Variants in ATXN7L1 observed in about 807,000 individuals in gnomAD.
ATXN7L1 encodes the protein ataxin 7 like 1, also known as ataxin-7-like protein 1.
ATXN7L1 carries 15 observed loss-of-function variants against 70.8 expected under a neutral mutation model. That is an observed-to-expected ratio of 0.21 (90% CI 0.14 to 0.33). The LOEUF (loss-of-function observed/expected upper bound fraction) is 0.33. Among genes scored for constraint, ATXN7L1 ranks in the 10% least tolerant of loss-of-function variants. The pLI, the probability that ATXN7L1 is intolerant of heterozygous loss-of-function variation, is 1.00. For missense variants in ATXN7L1, 975 were observed against 1,097.1 expected (o/e 0.89, Z 1.57); for synonymous variants, 440 against 445.1 (o/e 0.99, Z 0.14).
At chr7:105,737,697 T>C (rs1308137106) in intron 3 of ATXN7L1, among the ~76,000 whole-genome samples, 1 of 151,942 alleles carries the variant, frequency 6.6e-6, no homozygotes, top group Non-Finnish European at 1.5e-5. Flanking sequence ...GAGGTGGGGG[T>C]GATGTCATAG....
rs140782412 is a variant in ATXN7L1 at position 105,794,986 on chromosome 7, TC to T, written c.251-6279del. ...GGTACAATTCCCATTCATGGCAGAG[TC>T]CATCACATTCACGTTATCAGCTTGG... On this transcript the variant is annotated intron_variant, in intron 2 of 11. Transcript: ENST00000419735. Among the ~76,000 whole-genome samples, 828 of 152,240 alleles carry T rather than the reference TC, an allele frequency of 5.4e-3. 6 individuals are homozygous for T. The highest frequency in any genetic ancestry group is 0.019 in the African/African-American group (780 of 41,514).
rs1212295249 is a variant in ATXN7L1 at position 105,605,032 on chromosome 7, A to C, written c.*2820T>G. The C allele has an allele frequency of 7.1e-6, 1 of 141,424 alleles. No homozygotes were observed. The highest frequency in any genetic ancestry group is 1.5e-5 in the Non-Finnish European group (1 of 65,738). The allele number at this position is 141,424 out of a possible 1,614,324, so 8.8% of individuals were successfully genotyped here. On this transcript the variant is annotated 3_prime_UTR_variant, in exon 12 of 12. Coordinates refer to ENST00000419735, the MANE Select transcript of ATXN7L1 (RefSeq NM_020725.2). ...TGATACAAAAGAAGGCATACAAGTTATCCAAGTCGCTTTTTTTTTTTTTTT... is the reference window on the plus strand; with the variant it reads ...TGATACAAAAGAAGGCATACAAGTTCTCCAAGTCGCTTTTTTTTTTTTTTT...
chr7:105,779,517 G>A (rs1309304352), intron 3 of ATXN7L1, among the ~76,000 whole-genome samples: 2 of 152,018 alleles, frequency 1.3e-5, no homozygotes, highest in Non-Finnish European at 1.5e-5. Flanking sequence ...TTGATTTATG[G>A]GATAATCCTT....
intron 2 of ATXN7L1, among the ~76,000 whole-genome samples, chr7:105,863,711 C>A (rs1010952665): frequency 1.3e-5 from 2 of 152,186 alleles, no homozygotes; most frequent in African/African-American, 4.8e-5. Flanking sequence ...CTCTCTGAGC[C>A]TCAGCTTCCC....
intron 3 of ATXN7L1, among the ~76,000 whole-genome samples, chr7:105,758,364 T>C (rs965261448): frequency 1.3e-5 from 2 of 152,226 alleles, no homozygotes; most frequent in Non-Finnish European, 2.9e-5. Context: ...ATACCCATTT[T>C]CCACACATGA....
intron 2 of ATXN7L1, among the ~76,000 whole-genome samples, chr7:105,829,578 G>A (rs1349745462): frequency 2.0e-5 from 3 of 152,168 alleles, no homozygotes; most frequent in Non-Finnish European, 2.9e-5. Context: ...TTTACTTAAC[G>A]TAATTAACAG....
chr7:105,746,981 G>A (rs1005274019), intron 3 of ATXN7L1, among the ~76,000 whole-genome samples: 12 of 152,112 alleles, frequency 7.9e-5, no homozygotes, highest in South Asian at 2.1e-4. Flanking sequence ...AGATACATGC[G>A]CTATCTGTCC....
chr7:105,830,740 G>A (rs752760743), intron 2 of ATXN7L1, among the ~76,000 whole-genome samples: 3 of 152,236 alleles, frequency 2.0e-5, no homozygotes, highest in Non-Finnish European at 1.5e-5. Flanking sequence ...TCTGTGCCAG[G>A]AAAGGGAGAT....
intron 3 of ATXN7L1, among the ~76,000 whole-genome samples, chr7:105,741,011 G>A (rs1011640303): frequency 6.6e-6 from 1 of 151,888 alleles, no homozygotes; most frequent in Non-Finnish European, 1.5e-5. Context: ...TGATCTGCCC[G>A]CCTCGGCCTC....
intron 3 of ATXN7L1, among the ~76,000 whole-genome samples, chr7:105,691,400 C>G (rs769093788): frequency 1.3e-5 from 2 of 152,086 alleles, no homozygotes; most frequent in Non-Finnish European, 2.9e-5. Context: ...CATACACCGC[C>G]GTTTCTCTAA....
At chr7:105,785,457 C>CAA (rs201070579) in intron 3 of ATXN7L1, among the ~76,000 whole-genome samples, 1 of 147,620 alleles carries the variant, frequency 6.8e-6, no homozygotes, top group Non-Finnish European at 1.5e-5. Context: ...CAGTCTGACT[C>CAA]AAAAAAAAAC....
chr7:105,773,651 C>G (rs1352494828), intron 3 of ATXN7L1, among the ~76,000 whole-genome samples: 3 of 152,082 alleles, frequency 2.0e-5, no homozygotes, highest in Non-Finnish European at 4.4e-5. Context: ...GCACTTCCCC[C>G]TAAAAATCCC....
intron 2 of ATXN7L1, 35 bp from the exon 3 acceptor site, chr7:105,788,743 A>C: frequency 1.3e-6 from 2 of 1,517,004 alleles, no homozygotes; most frequent in Non-Finnish European, 1.8e-6. Flanking sequence ...TGTTTTGAAA[A>C]AGCAATTAAG....
chr7:105,641,428 C>T (rs1432161784), intron 5 of ATXN7L1, among the ~76,000 whole-genome samples: 1 of 151,716 alleles, frequency 6.6e-6, no homozygotes, highest in Middle Eastern at 3.2e-3. Flanking sequence ...AGGGTAGGAG[C>T]TGGCTGCCAA....
At chr7:105,871,785 A>T (rs957391761) in intron 2 of ATXN7L1, among the ~76,000 whole-genome samples, 11 of 152,152 alleles carry the variant, frequency 7.2e-5, no homozygotes, top group African/African-American at 2.2e-4. Flanking sequence ...TAACAATGAC[A>T]TGAAAACTTT....
At chr7:105,661,856 A>C (rs1231724933) in intron 4 of ATXN7L1, among the ~76,000 whole-genome samples, 1 of 152,160 alleles carries the variant, frequency 6.6e-6, no homozygotes, top group Non-Finnish European at 1.5e-5. Flanking sequence ...TGTCCTCAGA[A>C]TATTTACCGA....
At chr7:105,680,446 G>T (rs564926) in intron 3 of ATXN7L1, among the ~76,000 whole-genome samples, 1 of 152,022 alleles carries the variant, frequency 6.6e-6, no homozygotes, top group Non-Finnish European at 1.5e-5. Context: ...CCAGAATTGA[G>T]GAGAATTCAT....
chr7:105,807,892 T>C (rs1807850560), intron 2 of ATXN7L1, among the ~76,000 whole-genome samples: 1 of 152,230 alleles, frequency 6.6e-6, no homozygotes, highest in Admixed American at 6.5e-5. Flanking sequence ...GTTTACTGTC[T>C]TAAGCCATCA....
chr7:105,785,880 C>A (rs911422804), intron 3 of ATXN7L1, among the ~76,000 whole-genome samples: 1 of 152,222 alleles, frequency 6.6e-6, no homozygotes, highest in African/African-American at 2.4e-5. Flanking sequence ...CCTCAGACTT[C>A]CACCCTCCAG....
Sources: allele counts gnomAD v4.1 joint callset (sites outside exome capture counted in the v4.1 genomes callset), GRCh38; gene constraint gnomAD v4.1.1; transcripts MANE v1.5; gene names NCBI Gene and HGNC (gene_info 2026-07-23, HGNC 2026-07-21).